CTNNA3: variants seen among roughly 807,000 people sequenced by gnomAD.
CTNNA3 encodes catenin alpha-3.
In CTNNA3, 76 loss-of-function variants were observed where a neutral mutation model predicts 95.7. The observed-to-expected ratio is 0.79, with a 90% CI of 0.66 to 0.96. The LOEUF is 0.96. CTNNA3 is among the 40% of genes least tolerant of loss of function. CTNNA3 has a pLI of 0.00. For missense variants in CTNNA3, 1,191 were observed against 1,089.8 expected (o/e 1.09, Z -1.31); for synonymous variants, 431 against 374.4 (o/e 1.15, Z -1.74).
chr10:67,071,002 A>G (rs1856419139), intron 7 of CTNNA3, among the ~76,000 whole-genome samples: 1 of 152,106 alleles, frequency 6.6e-6, no homozygotes, highest in Non-Finnish European at 1.5e-5. Flanking sequence ...GTTCTATATA[A>G]TTATTACTTT....
chr10:67,190,165 G>C (rs1482773216), intron 6 of CTNNA3, among the ~76,000 whole-genome samples: 1 of 151,906 alleles, frequency 6.6e-6, no homozygotes, highest in Non-Finnish European at 1.5e-5. Context: ...AGAAATAATT[G>C]CTACATTTTG....
At chr10:67,307,342 G>T (rs10740275) in intron 5 of CTNNA3, among the ~76,000 whole-genome samples, 45,986 of 151,966 alleles carry the variant, frequency 0.3, 11,408 homozygotes, top group African/African-American at 0.68. Context: ...CAAATTATAC[G>T]GGCAGTAATG....
At chr10:67,158,490 C>A (rs865960111) in intron 7 of CTNNA3, among the ~76,000 whole-genome samples, 3 of 152,278 alleles carry the variant, frequency 2.0e-5, no homozygotes, top group Middle Eastern at 6.8e-3. Flanking sequence ...TACTTGCTAG[C>A]AGCTGAAAGA....
intron 14 of CTNNA3, among the ~76,000 whole-genome samples, chr10:66,094,525 C>T (rs150380842): frequency 1.5e-3 from 229 of 152,140 alleles, no homozygotes; most frequent in Non-Finnish European, 2.5e-3. Context: ...GTGAGAGGTG[C>T]CGGTGCCTAA....
At chr10:66,329,610 T>A (rs750677167) in intron 12 of CTNNA3, among the ~76,000 whole-genome samples, 1 of 151,682 alleles carries the variant, frequency 6.6e-6, no homozygotes, top group Non-Finnish European at 1.5e-5. Flanking sequence ...AAAAGTACTA[T>A]CGTATGTCAA....
intron 13 of CTNNA3, among the ~76,000 whole-genome samples, chr10:66,258,108 C>A (rs1196004312): frequency 3.3e-5 from 5 of 152,162 alleles, no homozygotes; most frequent in African/African-American, 9.7e-5. Flanking sequence ...TAGCTAGAAA[C>A]CTGTCTACCC....
At chr10:66,288,816 A>G (rs1197406829) in intron 12 of CTNNA3, among the ~76,000 whole-genome samples, 1 of 152,068 alleles carries the variant, frequency 6.6e-6, no homozygotes, top group African/African-American at 2.4e-5. Context: ...CACTACTATG[A>G]GTTAAAAAAC....
chr10:66,272,211 C>T (rs1193372193), intron 13 of CTNNA3, among the ~76,000 whole-genome samples: 2 of 152,158 alleles, frequency 1.3e-5, no homozygotes, highest in African/African-American at 2.4e-5. Context: ...CAAACTGGTC[C>T]TGACACTAGA....
intron 7 of CTNNA3, among the ~76,000 whole-genome samples, chr10:67,164,989 T>A (rs1861697734): frequency 6.6e-6 from 1 of 152,184 alleles, no homozygotes; most frequent in Non-Finnish European, 1.5e-5. Flanking sequence ...TACCATAACC[T>A]AGCAATCACA....
intron 6 of CTNNA3, among the ~76,000 whole-genome samples, chr10:67,181,477 T>C (rs1862540033): frequency 6.6e-6 from 1 of 152,170 alleles, no homozygotes; most frequent in African/African-American, 2.4e-5. Context: ...ATAAAAGCTC[T>C]CTGAAGAACC....
At position 66,996,649 on chromosome 10, in the gene CTNNA3, C is replaced by CAAAAAA. The variant is rs57025097; in HGVS notation, c.1047+183662_1047+183667dup. Among the ~76,000 whole-genome samples, 113 of 67,610 alleles carry CAAAAAA rather than the reference C, an allele frequency of 1.7e-3. 12 individuals carry two copies. Among genetic ancestry groups the CAAAAAA allele is most frequent in the African/African-American group, 4.6e-3 (77 of 16,848 alleles). The allele number at this position is 67,610 out of a possible 152,430, so 44.4% of individuals were successfully genotyped here. A position where few individuals can be genotyped will look rare whatever the true frequency, so the allele number is the denominator to read the frequency against. On this transcript the variant is annotated intron_variant, in intron 7 of 17. Transcript: ENST00000433211. ...GTGAGAGAGTGAGACTCCGTCTCTA[C>CAAAAAA]AAAAAAAAAAAAAAAAAAAAAAGCA...
chr10:66,361,425 CTTCT>C (rs1319289551), intron 12 of CTNNA3, among the ~76,000 whole-genome samples: 6 of 146,482 alleles, frequency 4.1e-5, no homozygotes, highest in South Asian at 2.2e-4. Flanking sequence ...CTTCCCTTTC[CTTCT>C]TTCTTTTCTT....
intron 12 of CTNNA3, among the ~76,000 whole-genome samples, chr10:66,375,091 T>G (rs547598801): frequency 6.6e-6 from 1 of 152,228 alleles, no homozygotes; most frequent in East Asian, 1.9e-4. Flanking sequence ...TCTTGAAATA[T>G]GCATAGAATT....
At chr10:66,684,964 A>G (rs1847196652) in intron 9 of CTNNA3, among the ~76,000 whole-genome samples, 1 of 151,668 alleles carries the variant, frequency 6.6e-6, no homozygotes. Flanking sequence ...AGTGAAAAAA[A>G]ACTATAACCA....
chr10:66,024,085 ATTTT>A (rs71474007), intron 15 of CTNNA3, among the ~76,000 whole-genome samples: 18 of 87,746 alleles, frequency 2.1e-4, no homozygotes, highest in African/African-American at 6.9e-4. Context: ...TACCATACAC[ATTTT>A]TTTTTTTTTT....
At chr10:65,946,216 G>A (rs1038796139) in intron 17 of CTNNA3, among the ~76,000 whole-genome samples, 1 of 152,016 alleles carries the variant, frequency 6.6e-6, no homozygotes, top group Non-Finnish European at 1.5e-5. Flanking sequence ...TAAATATTTA[G>A]AACAGTGCCT....
intron 5 of CTNNA3, among the ~76,000 whole-genome samples, chr10:67,260,273 C>T (rs1262785825): frequency 6.6e-6 from 1 of 152,100 alleles, no homozygotes; most frequent in Non-Finnish European, 1.5e-5. Context: ...ATGCTACACT[C>T]GGAAGAGGAC....
chr10:67,583,644 T>C (rs1443382454), intron 3 of CTNNA3, among the ~76,000 whole-genome samples: 2 of 152,236 alleles, frequency 1.3e-5, no homozygotes, highest in Admixed American at 1.3e-4. Flanking sequence ...GATAATATCC[T>C]GAGGAGTGTT....
chr10:67,224,815 A>G (rs1324514226), intron 5 of CTNNA3, among the ~76,000 whole-genome samples: 3 of 152,190 alleles, frequency 2.0e-5, no homozygotes, highest in Admixed American at 2.0e-4. Flanking sequence ...GAAGCACCAC[A>G]GGGAGAAGGA....
Sources: gnomAD v4.1 joint callset for allele counts (sites outside exome capture counted in the v4.1 genomes callset) on GRCh38, gnomAD v4.1.1 for gene constraint, MANE v1.5 for transcripts, NCBI Gene and HGNC (gene_info 2026-07-23, HGNC 2026-07-21) for gene names.